CHRM3: variants seen among roughly 807,000 people sequenced by gnomAD.
The protein encoded by CHRM3 is muscarinic acetylcholine receptor M3.
CHRM3 carries 11 observed loss-of-function variants against 41.8 expected under a neutral mutation model. That is an observed-to-expected ratio of 0.26 (90% CI 0.17 to 0.44). The LOEUF (loss-of-function observed/expected upper bound fraction) is 0.44, where lower values mean the gene tolerates loss of function less well. Ranked by LOEUF, CHRM3 falls within the 20% of genes least tolerant of loss-of-function variation. CHRM3 has a pLI of 1.00. For missense variants in CHRM3, 571 were observed against 745.4 expected (o/e 0.77, Z 2.72); for synonymous variants, 297 against 301.4 (o/e 0.99, Z 0.15).
At chr1:239,764,837 A>G (rs1056942367) in intron 5 of CHRM3, among the ~76,000 whole-genome samples, 1 of 152,246 alleles carries the variant, frequency 6.6e-6, no homozygotes, top group Admixed American at 6.5e-5. Flanking sequence ...CCACATAGTT[A>G]CTATTCAAGA....
At chr1:239,404,228 G>T (rs1057009879) in intron 1 of CHRM3, among the ~76,000 whole-genome samples, 5 of 150,318 alleles carry the variant, frequency 3.3e-5, no homozygotes, top group Non-Finnish European at 7.4e-5. Flanking sequence ...GGCAGAGCTT[G>T]CAGTGAGCCG....
chr1:239,679,027 GGATAGATA>G (rs61514483), intron 5 of CHRM3, among the ~76,000 whole-genome samples: 11 of 148,666 alleles, frequency 7.4e-5, no homozygotes, highest in African/African-American at 1.5e-4. Context: ...GTAGATAGAT[GGATAGATA>G]GATAGATAGA....
intron 6 of CHRM3, among the ~76,000 whole-genome samples, chr1:239,888,586 A>C (rs996454135): frequency 6.9e-6 from 1 of 145,412 alleles, no homozygotes; most frequent in Admixed American, 7.1e-5. Flanking sequence ...CCAGAGAGTG[A>C]GACCCTGTCT....
intron 5 of CHRM3, among the ~76,000 whole-genome samples, chr1:239,751,253 AAAG>A (rs987410474): frequency 2.0e-5 from 3 of 151,786 alleles, no homozygotes; most frequent in South Asian, 4.2e-4. Context: ...AAAAAAAAAA[AAAG>A]GAGAAAAGGA....
chr1:239,854,912 C>T (rs1485370396), intron 6 of CHRM3, among the ~76,000 whole-genome samples: 2 of 152,106 alleles, frequency 1.3e-5, no homozygotes, highest in African/African-American at 2.4e-5. Context: ...AATTGCATTG[C>T]TCAGACTCAA....
intron 2 of CHRM3, among the ~76,000 whole-genome samples, chr1:239,526,509 A>G (rs1438625876): frequency 2.0e-5 from 3 of 152,136 alleles, no homozygotes; most frequent in Non-Finnish European, 4.4e-5. Context: ...CCTGGGTGTC[A>G]GTATTTGCTA....
intron 2 of CHRM3, among the ~76,000 whole-genome samples, chr1:239,522,940 G>A (rs866470882): frequency 1.1e-4 from 16 of 152,008 alleles, no homozygotes; most frequent in African/African-American, 3.6e-4. Flanking sequence ...TGTCCATTAT[G>A]AACCATGAGC....
At chr1:239,804,344 T>TG (rs1209278690) in intron 5 of CHRM3, among the ~76,000 whole-genome samples, 1 of 145,378 alleles carries the variant, frequency 6.9e-6, no homozygotes, top group Non-Finnish European at 1.5e-5. Context: ...TTCATTGTGT[T>TG]TTTTTTTTAT....
chr1:239,724,433 G>A (rs368512462), intron 5 of CHRM3, among the ~76,000 whole-genome samples: 2 of 151,892 alleles, frequency 1.3e-5, no homozygotes, highest in Non-Finnish European at 2.9e-5. Flanking sequence ...TTAGAATTAT[G>A]AGTTAATAAA....
chr1:239,547,153 A>C (rs1249104160), intron 3 of CHRM3, among the ~76,000 whole-genome samples: 1 of 152,206 alleles, frequency 6.6e-6, no homozygotes, highest in Non-Finnish European at 1.5e-5. Flanking sequence ...TATAAATGGA[A>C]CGAAAATCTT....
At chr1:239,881,535 A>G (rs1677636748) in intron 6 of CHRM3, among the ~76,000 whole-genome samples, 2 of 152,062 alleles carry the variant, frequency 1.3e-5, no homozygotes, top group African/African-American at 2.4e-5. Flanking sequence ...TCTCAATCAG[A>G]TTTTCATCAA....
chr1:239,505,387 T>C (rs116070963), intron 2 of CHRM3, among the ~76,000 whole-genome samples: 2,405 of 152,186 alleles, frequency 0.016, 55 homozygotes, highest in Middle Eastern at 0.051. Context: ...CAGGAGGTAA[T>C]TGAATCACTG....
At chr1:239,588,864 C>T (rs1663726528) in intron 3 of CHRM3, among the ~76,000 whole-genome samples, 1 of 152,020 alleles carries the variant, frequency 6.6e-6, no homozygotes, top group African/African-American at 2.4e-5. Context: ...AAAAGAAAAT[C>T]ACTTGTTAAA....
At chr1:239,508,483 T>G (rs1668717312) in intron 2 of CHRM3, among the ~76,000 whole-genome samples, 1 of 152,238 alleles carries the variant, frequency 6.6e-6, no homozygotes, top group Non-Finnish European at 1.5e-5. Context: ...ATTTGCAATT[T>G]AATACTTGTA....
chr1:239,907,382 C>T lies in CHRM3; in HGVS notation c.-19-51C>T, dbSNP rs144959392. ...TAACGTATGTAATGCAAAGAACAAACAAATAAAGGCAGAAATTTTTCTAAC... is the reference window on the plus strand; with the variant it reads ...TAACGTATGTAATGCAAAGAACAAATAAATAAAGGCAGAAATTTTTCTAAC... On this transcript the variant is annotated intron_variant, in intron 6 of 6. Coordinates refer to ENST00000676153, the MANE Select transcript of CHRM3 (RefSeq NM_001375978.1). The surrounding 1 kb of genome is among the most constrained non-coding windows in gnomAD (Gnocchi z 5.4). 3.1e-3 allele frequency: 4,583 copies of T among 1,455,756 alleles called. 5 individuals carry two copies. Among genetic ancestry groups the T allele is most frequent in the Non-Finnish European group, 4.0e-3 (4,262 of 1,064,612 alleles). The allele number at this position is 1,455,756 out of a possible 1,614,324, so 90.2% of individuals were successfully genotyped here.
chr1:239,787,896 CA>C (rs1669035801), intron 5 of CHRM3, among the ~76,000 whole-genome samples: 1 of 152,074 alleles, frequency 6.6e-6, no homozygotes, highest in African/African-American at 2.4e-5. Context: ...GTAATTCTTA[CA>C]GTTGTTATTT....
At chr1:239,808,767 A>G (rs915595923) in intron 5 of CHRM3, among the ~76,000 whole-genome samples, 25 of 152,284 alleles carry the variant, frequency 1.6e-4, no homozygotes, top group African/African-American at 6.0e-4. Context: ...TTTCCTAGAA[A>G]TACACTGTTT....
At chr1:239,778,704 C>T (rs1339521774) in intron 5 of CHRM3, among the ~76,000 whole-genome samples, 1 of 152,166 alleles carries the variant, frequency 6.6e-6, no homozygotes, top group Non-Finnish European at 1.5e-5. Flanking sequence ...ATAGTGTTTT[C>T]TCGATAGCAG....
At chr1:239,422,131 A>G (rs534522925) in intron 1 of CHRM3, among the ~76,000 whole-genome samples, 39 of 152,300 alleles carry the variant, frequency 2.6e-4, no homozygotes, top group African/African-American at 8.2e-4. Context: ...TTTCTTTTAT[A>G]TTTTACCGAA....
Sources: allele counts gnomAD v4.1 joint callset (sites outside exome capture counted in the v4.1 genomes callset), GRCh38; gene constraint gnomAD v4.1.1; non-coding constraint Gnocchi (gnomAD v3.1); transcripts MANE v1.5; gene names NCBI Gene and HGNC (gene_info 2026-07-23, HGNC 2026-07-21).